The following FER variants were observed in gnomAD, a reference collection of about 807,000 sequenced individuals.
The protein encoded by FER is tyrosine-protein kinase Fer.
A neutral mutation model predicts 111.0 loss-of-function variants in FER; 63 were observed. That is an observed-to-expected ratio of 0.57 (90% CI 0.46 to 0.70). The LOEUF is 0.70. FER is among the 30% of genes least tolerant of loss of function. The probability of loss-of-function intolerance (pLI) is 0.00; values close to 1 mark genes in which losing one functional copy is unlikely to be tolerated. For synonymous variants in FER, 327 were observed against 313.9 expected, an observed-to-expected ratio of 1.04 and a Z score of -0.44; for missense variants, 914 against 954.0, an observed-to-expected ratio of 0.96 and a Z score of 0.55.
intron 13 of FER, among the ~76,000 whole-genome samples, chr5:109,008,719 G>A (rs555516814): frequency 1.3e-5 from 2 of 152,044 alleles, no homozygotes; most frequent in Admixed American, 6.6e-5. Flanking sequence ...AGTGGCTCAC[G>A]CCTGTAATCC....
chr5:108,990,728 TGAA>T (rs1354907437), intron 13 of FER, among the ~76,000 whole-genome samples: 1 of 151,388 alleles, frequency 6.6e-6, no homozygotes, highest in Non-Finnish European at 1.5e-5. Flanking sequence ...AGTGAGAAAA[TGAA>T]GAGTAATTAT....
At position 109,096,207 on chromosome 5, in the gene FER, G is replaced by A. The variant is rs148451169; in HGVS notation, c.1925-4189G>A. Among the ~76,000 whole-genome samples the A allele has an allele frequency of 1.5e-3, 222 of 151,980 alleles. 1 individual carries two copies. The highest frequency in any genetic ancestry group is 5.1e-3 in the African/African-American group (213 of 41,492). ...CAGAAATCTTTGAGAAACAGTTGTT[G>A]AAAATAATAGCCACCTATCATCTCA... On this transcript the variant is annotated intron_variant, in intron 16 of 19. Coordinates refer to ENST00000281092, the MANE Select transcript of FER (RefSeq NM_005246.4).
intron 13 of FER, among the ~76,000 whole-genome samples, chr5:108,981,877 A>G (rs1014512382): frequency 3.3e-5 from 5 of 152,112 alleles, no homozygotes; most frequent in African/African-American, 1.2e-4. Context: ...GGCATCTAAG[A>G]GGAGAGTGCC....
At chr5:108,963,453 T>C (rs1045579033) in intron 13 of FER, among the ~76,000 whole-genome samples, 3 of 151,932 alleles carry the variant, frequency 2.0e-5, no homozygotes, top group African/African-American at 7.3e-5. Context: ...TCCCAGCTAC[T>C]TGGGGGGCTG....
chr5:109,147,868 A>T (rs1289220460), intron 17 of FER, among the ~76,000 whole-genome samples: 1 of 151,466 alleles, frequency 6.6e-6, no homozygotes, highest in Non-Finnish European at 1.5e-5. Context: ...CAAAATATTG[A>T]GTGATATTTT....
intron 16 of FER, among the ~76,000 whole-genome samples, chr5:109,092,723 G>T (rs1468522901): frequency 6.6e-6 from 1 of 152,020 alleles, no homozygotes; most frequent in Admixed American, 6.6e-5. Flanking sequence ...ATTAAAACTG[G>T]AACTACCATA....
chr5:109,131,955 C>A (rs1752404982), intron 17 of FER, among the ~76,000 whole-genome samples: 2 of 152,156 alleles, frequency 1.3e-5, no homozygotes, highest in Admixed American at 1.3e-4. Context: ...ACTTGTCCAG[C>A]ATCTTCTCAA....
intron 13 of FER, among the ~76,000 whole-genome samples, chr5:108,997,797 G>A (rs1317899711): frequency 6.6e-6 from 1 of 152,148 alleles, no homozygotes; most frequent in Non-Finnish European, 1.5e-5. Context: ...TCCTGACTGT[G>A]GCTGCTGCCT....
chr5:109,142,971 C>T (rs571842692), intron 17 of FER, among the ~76,000 whole-genome samples: 8 of 152,210 alleles, frequency 5.3e-5, no homozygotes, highest in African/African-American at 9.6e-5. Flanking sequence ...AATGGGTCTT[C>T]GCTTTTTTAT....
chr5:108,940,019 A>G (rs570157595), intron 10 of FER, among the ~76,000 whole-genome samples: 5 of 152,256 alleles, frequency 3.3e-5, no homozygotes, highest in African/African-American at 1.2e-4. Context: ...TGCAACAAAT[A>G]CAAAACCCAT....
At chr5:108,903,452 G>A (rs1750321726) in intron 10 of FER, among the ~76,000 whole-genome samples, 1 of 152,224 alleles carries the variant, frequency 6.6e-6, no homozygotes, top group Non-Finnish European at 1.5e-5. Flanking sequence ...ATCACTTGAG[G>A]TCAGGAGTTC....
At position 109,146,404 on chromosome 5, in the gene FER, C is replaced by T. The variant is rs531489107; in HGVS notation, c.2049-34343C>T. On this transcript the variant is annotated intron_variant, in intron 17 of 19. Transcript: ENST00000281092. ...AGTAGAAATCCCCTCATCCAGCTGG[C>T]GTTAAAGAGGTTAAATATCTAAATT... Among the ~76,000 whole-genome samples the T allele has an allele frequency of 2.1e-4, 31 of 149,454 alleles. No homozygotes were observed. The South Asian group carries it at 5.1e-3, about 24-fold the overall frequency.
rs141834060 is a variant in FER at position 109,084,499 on chromosome 5, A to G, written c.1925-15897A>G. Among the ~76,000 whole-genome samples the G allele has an allele frequency of 5.7e-3, 718 of 125,638 alleles. 6 individuals are homozygous for G. The highest frequency in any genetic ancestry group is 0.023 in the African/African-American group (686 of 29,432). The allele number at this position is 125,638 out of a possible 152,430, so 82.4% of individuals were successfully genotyped here. A position where few individuals can be genotyped will look rare whatever the true frequency, so the allele number is the denominator to read the frequency against. ...TGTTATGTGGGGTTATTTTACCACA[A>G]TTAAAAATAAAAAAAAATTTAAAAA... On this transcript the variant is annotated intron_variant, in intron 16 of 19. Coordinates refer to ENST00000281092, the MANE Select transcript of FER (RefSeq NM_005246.4).
rs1471082435 is a variant in FER at position 109,047,210 on chromosome 5, T to A, written c.1924+12T>A. ...GGAACTGGTTTCAGGTAATGTGATC[T>A]GAGAATTTTTGCATGATGACATTTT... is the stretch of plus-strand genomic sequence containing the variant. On this transcript the variant is annotated intron_variant, in intron 16 of 19. Transcript: ENST00000281092. 1 of 1,479,680 alleles carries A rather than the reference T, an allele frequency of 6.8e-7. No homozygotes were observed. Among genetic ancestry groups the A allele is most frequent in the Non-Finnish European group, 9.3e-7 (1 of 1,069,818 alleles). The allele number at this position is 1,479,680 out of a possible 1,614,324, so 91.7% of individuals were successfully genotyped here.
intron 16 of FER, among the ~76,000 whole-genome samples, chr5:109,093,559 G>C (rs1747090065): frequency 6.6e-6 from 1 of 152,018 alleles, no homozygotes; most frequent in African/African-American, 2.4e-5. Flanking sequence ...TAATAAGATT[G>C]TATGACATCC....
chr5:109,180,318 A>G (rs1006627526), intron 17 of FER, among the ~76,000 whole-genome samples: 5 of 152,218 alleles, frequency 3.3e-5, no homozygotes, highest in African/African-American at 1.2e-4. Flanking sequence ...TGTAACTAAA[A>G]GTATATAAAA....
intron 9 of FER, among the ~76,000 whole-genome samples, chr5:108,889,864 G>T (rs1747762962): frequency 6.6e-6 from 1 of 151,926 alleles, no homozygotes; most frequent in South Asian, 2.1e-4. Flanking sequence ...TGTAGCAGCG[G>T]TGATACATAT....
chr5:109,054,327 A>G (rs1773343678), intron 16 of FER, among the ~76,000 whole-genome samples: 2 of 152,140 alleles, frequency 1.3e-5, no homozygotes, highest in African/African-American at 4.8e-5. Flanking sequence ...AGCCTTTCTA[A>G]TACTTCTATA....
intron 13 of FER, among the ~76,000 whole-genome samples, chr5:109,032,655 C>T (rs1056658169): frequency 6.6e-6 from 1 of 152,068 alleles, no homozygotes; most frequent in Non-Finnish European, 1.5e-5. Flanking sequence ...GTGTCACTCA[C>T]GAATCAATTA....
Sources: gnomAD v4.1 joint callset for allele counts (sites outside exome capture counted in the v4.1 genomes callset) on GRCh38, gnomAD v4.1.1 for gene constraint, MANE v1.5 for transcripts, NCBI Gene and HGNC (gene_info 2026-07-23, HGNC 2026-07-21) for gene names.